TTC19: variants seen among roughly 807,000 people sequenced by gnomAD.
TTC19 encodes tetratricopeptide repeat protein 19, mitochondrial.
A neutral mutation model predicts 49.5 loss-of-function variants in TTC19; 38 were observed. The observed-to-expected ratio is 0.77, with a 90% CI of 0.59 to 1.01. The LOEUF is 1.01. TTC19 is among the 50% of genes least tolerant of loss of function. TTC19 has a pLI of 0.00. For synonymous variants in TTC19, 204 were observed against 185.2 expected, an observed-to-expected ratio of 1.10 and a Z score of -0.83; for missense variants, 475 against 477.7, an observed-to-expected ratio of 0.99 and a Z score of 0.05.
At chr17:16,017,739 T>C (rs1190009779) in intron 7 of TTC19, among the ~76,000 whole-genome samples, 1 of 152,162 alleles carries the variant, frequency 6.6e-6, no homozygotes, top group Non-Finnish European at 1.5e-5. Context: ...CCAGCCTGGT[T>C]AAGAAGAGCG....
At position 16,028,562 on chromosome 17, in the gene TTC19, G is replaced by A. The variant is rs1330641636; in HGVS notation, c.*1040G>A. ...AAGAGCTTTATCACACTGTCTCAAAGTATGTAAAGATACATAGGTGGATGC... is the reference window on the plus strand; with the variant it reads ...AAGAGCTTTATCACACTGTCTCAAAATATGTAAAGATACATAGGTGGATGC... On this transcript the variant is annotated 3_prime_UTR_variant, in exon 10 of 10. Transcript: ENST00000261647. The A allele has an allele frequency of 2.2e-6, 1 of 453,854 alleles. No individual in the cohort carries two copies. Among genetic ancestry groups the A allele is most frequent in the African/African-American group, 2.0e-5 (1 of 49,960 alleles). 28.1% of individuals were successfully genotyped at this position (453,854 alleles called of 1,614,324 possible).
At chr17:16,042,065 G>A (rs1222568158) in intron 2 of TTC19, among the ~76,000 whole-genome samples, 3 of 152,144 alleles carry the variant, frequency 2.0e-5, no homozygotes, top group Non-Finnish European at 2.9e-5. Context: ...GACCACAGAA[G>A]GATGGACTCT....
At position 16,002,019 on chromosome 17, in the gene TTC19, T is replaced by G. The variant is rs766780467; in HGVS notation, c.417T>G (p.Tyr139Ter). 1 of 1,610,172 alleles carries G rather than the reference T, an allele frequency of 6.2e-7. No homozygotes were observed. The highest frequency in any genetic ancestry group is 1.3e-5 in the African/African-American group (1 of 74,912). Residue 139 changes from tyrosine to a stop codon, truncating the protein, a stop_gained, in exon 3 of 10, where the codon TAT becomes TAG. Transcript: ENST00000261647. LOFTEE classifies it high-confidence loss of function. ...TDNKKAITYT[Y>*]DLMANLAFIR... ...ACAAGAAGGCCATCACTTACACTTA[T>G]GATTTGGTAACTCTTATAACCAGTC...
chr17:16,000,577 GTATA>G, intron 2 of TTC19: 1 of 372,940 alleles, frequency 2.7e-6, no homozygotes, highest in Non-Finnish European at 4.1e-6. Context: ...AATTTCGCAC[GTATA>G]TAGCGGCCTG....
rs1597451345 is a variant in TTC19 at position 16,004,326 on chromosome 17, ATAT to A, written c.581+66_581+68del. ...AACTTTGACTCTGGGATGTTACATAATATTCATTGTCTACTGGTCATCTGGGTC... is the reference window on the plus strand; with the variant it reads ...AACTTTGACTCTGGGATGTTACATAATCATTGTCTACTGGTCATCTGGGTC... On this transcript the variant is annotated intron_variant, in intron 6 of 9. Coordinates refer to ENST00000261647, the MANE Select transcript of TTC19 (RefSeq NM_017775.4). 2.1e-6 allele frequency: 3 copies of A among 1,459,140 alleles called. No individual in the cohort carries two copies. In the East Asian group the frequency reaches 6.8e-5, roughly 33 times the overall value. 90.4% of individuals were successfully genotyped at this position (1,459,140 alleles called of 1,614,324 possible). A position where few individuals can be genotyped will look rare whatever the true frequency, so the allele number is the denominator to read the frequency against.
At chr17:16,014,405 C>T (rs541832740) in intron 7 of TTC19, among the ~76,000 whole-genome samples, 2 of 152,298 alleles carry the variant, frequency 1.3e-5, no homozygotes, top group East Asian at 3.9e-4. Flanking sequence ...AATAGTGAGC[C>T]GTCTCACTGA....
rs547980645 is a variant in TTC19 at position 16,004,615 on chromosome 17, C to G, written c.581+353C>G. 9.9e-5 allele frequency among the ~76,000 whole-genome samples: 15 copies of G among 152,272 alleles called. No homozygotes were observed. The South Asian group carries it at 2.9e-3, about 29-fold the overall frequency. On this transcript the variant is annotated intron_variant, in intron 6 of 9. Transcript: ENST00000261647. ...CTGCTGGGGATAATATATTAATACT[C>G]TGAAGAAGCCATTTTGCTGGTATAA... is the stretch of plus-strand genomic sequence containing the variant.
chr17:16,025,202 TAAA>T, intron 8 of TTC19, 31 bp downstream of exon 8: 1 of 1,606,206 alleles, frequency 6.2e-7, no homozygotes. Flanking sequence ...AGGGGGAATA[TAAA>T]ACAAAGGCTT....
At chr17:16,026,347 C>T (rs547483488) in intron 8 of TTC19, among the ~76,000 whole-genome samples, 193 bp from the exon 9 acceptor site, 1 of 152,264 alleles carries the variant, frequency 6.6e-6, no homozygotes, top group South Asian at 2.1e-4. Context: ...AAAGGTCGAA[C>T]TAACATTGTC....
chr17:16,034,710 A>C (rs1973777832), intron 2 of TTC19: 1 of 1,448,072 alleles, frequency 6.9e-7, no homozygotes, highest in Admixed American at 2.1e-5. Flanking sequence ...ACTAATAACC[A>C]AGACATTGAT....
At chr17:16,001,880 G>T (rs1970747743) in intron 2 of TTC19, 35 bp from the exon 3 acceptor site, 1 of 1,474,068 alleles carries the variant, frequency 6.8e-7, no homozygotes, top group South Asian at 1.1e-5. Flanking sequence ...TCTACTATAT[G>T]TTTCATTTTC....
chr17:16,003,518 T>C lies in TTC19; in HGVS notation c.463-313T>C, dbSNP rs78713454. Among the ~76,000 whole-genome samples the C allele has an allele frequency of 6.7e-3, 1,019 of 152,126 alleles. 12 individuals are homozygous for C. Among genetic ancestry groups the C allele is most frequent in the African/African-American group, 0.024 (985 of 41,464 alleles). On this transcript the variant is annotated intron_variant, in intron 4 of 9. Transcript: ENST00000261647. ...CGAGGGGACTCTGTAATCAAAAAGA[T>C]GGAGAAGAGAATGACTATTAGGAGA...
chr17:16,043,305 C>T (rs1277655481), intron 2 of TTC19, among the ~76,000 whole-genome samples: 1 of 152,146 alleles, frequency 6.6e-6, no homozygotes, highest in African/African-American at 2.4e-5. Flanking sequence ...TCATTTAGTT[C>T]TACTTCCCAG....
At chr17:16,023,044 CA>C (rs1206672596) in intron 7 of TTC19, among the ~76,000 whole-genome samples, 2 of 152,156 alleles carry the variant, frequency 1.3e-5, no homozygotes, top group South Asian at 4.1e-4. Flanking sequence ...AAATTACTAG[CA>C]AAGGAACTCT....
intron 2 of TTC19, among the ~76,000 whole-genome samples, chr17:16,001,360 A>G (rs889321542): frequency 6.6e-6 from 1 of 151,930 alleles, no homozygotes; most frequent in Non-Finnish European, 1.5e-5. Context: ...TCTTCCTCAA[A>G]ACCATTCTCT....
chr17:16,035,621 A>G (rs1342567767), intron 2 of TTC19, among the ~76,000 whole-genome samples: 2 of 150,692 alleles, frequency 1.3e-5, no homozygotes, highest in African/African-American at 4.9e-5. Context: ...CCAGCTCACT[A>G]AAGCCTCAAC....
At chr17:16,000,075 G>A in intron 1 of TTC19, 43 bp downstream of exon 1, 2 of 1,358,540 alleles carry the variant, frequency 1.5e-6, no homozygotes, top group Non-Finnish European at 1.9e-6. Flanking sequence ...GCGGGGACAG[G>A]GGCGCGGGCC....
At chr17:16,024,585 GTGAGCCACCGCGC>G (rs1381175023) in intron 7 of TTC19, 3 of 238,288 alleles carry the variant, frequency 1.3e-5, no homozygotes, top group Non-Finnish European at 2.5e-5. Context: ...GATTACAGGT[GTGAGCCACCGCGC>G]CCGGCCTTTA....
chr17:16,002,456 C>T (rs1970769238), intron 3 of TTC19, among the ~76,000 whole-genome samples: 1 of 152,100 alleles, frequency 6.6e-6, no homozygotes, highest in African/African-American at 2.4e-5. Context: ...AGATTTCAGG[C>T]ATGAGCCACC....
Sources: allele counts gnomAD v4.1 joint callset (sites outside exome capture counted in the v4.1 genomes callset), GRCh38; gene constraint gnomAD v4.1.1; transcripts MANE v1.5; gene names NCBI Gene and HGNC (gene_info 2026-07-23, HGNC 2026-07-21).